CAPN11: variants seen among roughly 807,000 people sequenced by gnomAD.
CAPN11 encodes calpain 11.
CAPN11 carries 108 observed loss-of-function variants against 105.3 expected under a neutral mutation model. The ratio of observed to expected loss-of-function variants is 1.03; its 90% CI spans 0.88 to 1.20. CAPN11 has a LOEUF of 1.20. Ranked by LOEUF, CAPN11 falls within the 50% of genes most tolerant of loss-of-function variation. The pLI, the probability that CAPN11 is intolerant of heterozygous loss-of-function variation, is 0.00. For missense variants in CAPN11, 883 were observed against 924.8 expected (o/e 0.95, Z 0.59); for synonymous variants, 329 against 344.5 (o/e 0.96, Z 0.50).
chr6:44,162,378 C>T (rs1471568414), intron 1 of CAPN11, among the ~76,000 whole-genome samples: 1 of 145,496 alleles, frequency 6.9e-6, no homozygotes, highest in Non-Finnish European at 1.5e-5. Flanking sequence ...GACACACACA[C>T]ACACACACAC....
At position 44,184,106 on chromosome 6, in the gene CAPN11, C is replaced by G. The variant is rs79082881; in HGVS notation, c.*174C>G. The G allele has an allele frequency of 9.3e-6, 6 of 644,420 alleles. No homozygotes were observed. Among genetic ancestry groups the G allele is most frequent in the Non-Finnish European group, 1.6e-5 (6 of 372,474 alleles). 39.9% of individuals were successfully genotyped at this position (644,420 alleles called of 1,614,324 possible). ...GTGTTTACTGCAGCAGTGGGACCTC[C>G]GTGCCCACTCCCCCAGCTCAGAGGC... is the stretch of plus-strand genomic sequence containing the variant. On this transcript the variant is annotated 3_prime_UTR_variant, in exon 23 of 23. Transcript: ENST00000398776.
At chr6:44,180,527 T>G in intron 15 of CAPN11, 28 bp downstream of exon 15, 1 of 1,613,838 alleles carries the variant, frequency 6.2e-7, no homozygotes, top group Non-Finnish European at 8.5e-7. Flanking sequence ...GGCTGGGGGT[T>G]GGAAGGAAGC....
chr6:44,176,478 C>G (rs1291420465), intron 9 of CAPN11, 103 bp from the exon 10 acceptor site: 1 of 1,319,326 alleles, frequency 7.6e-7, no homozygotes, highest in African/African-American at 1.4e-5. Context: ...TCTAGCTCCG[C>G]ACCCCAGCAG....
At chr6:44,172,135 CT>C (rs1216155476) in intron 4 of CAPN11, among the ~76,000 whole-genome samples, 166 bp from the exon 5 acceptor site, 1 of 152,116 alleles carries the variant, frequency 6.6e-6, no homozygotes, top group African/African-American at 2.4e-5. Flanking sequence ...TGTTTACCTC[CT>C]TCCTGAACAC....
intron 4 of CAPN11, among the ~76,000 whole-genome samples, chr6:44,170,421 G>C (rs906859383): frequency 6.6e-6 from 1 of 152,114 alleles, no homozygotes; most frequent in African/African-American, 2.4e-5. Flanking sequence ...CTCCTAGGAG[G>C]GTGCACTTAC....
intron 13 of CAPN11, 91 bp downstream of exon 13, chr6:44,179,721 G>T: frequency 7.3e-7 from 1 of 1,378,744 alleles, no homozygotes; most frequent in South Asian, 1.2e-5. Context: ...GGAATTTGGC[G>T]AGAGGCTCTG....
chr6:44,177,597 C>T (rs1419226677), intron 12 of CAPN11, 177 bp downstream of exon 12: 8 of 608,892 alleles, frequency 1.3e-5, no homozygotes, highest in East Asian at 1.1e-4. Context: ...AAGTGATTCT[C>T]GTGCCTCAGC....
chr6:44,177,124 T>C (rs62401127), intron 11 of CAPN11, 118 bp from the exon 12 acceptor site: 393,943 of 1,466,740 alleles, frequency 0.27, 56,899 homozygotes, highest in East Asian at 0.43. Flanking sequence ...GTTAGTCAGA[T>C]TTCACAGCCC....
intron 2 of CAPN11, among the ~76,000 whole-genome samples, chr6:44,168,628 T>A (rs1016279613): frequency 6.6e-6 from 1 of 151,976 alleles, no homozygotes; most frequent in African/African-American, 2.4e-5. Context: ...TTATTTATTT[T>A]TATTTATTTT....
At chr6:44,162,117 G>A (rs979159243) in intron 1 of CAPN11, among the ~76,000 whole-genome samples, 2 of 151,862 alleles carry the variant, frequency 1.3e-5, no homozygotes, top group Non-Finnish European at 2.9e-5. Flanking sequence ...CCTGGGGGCC[G>A]TAATCACCCC....
At chr6:44,167,003 C>T (rs1215636350) in intron 2 of CAPN11, among the ~76,000 whole-genome samples, 174 bp downstream of exon 2, 1 of 152,054 alleles carries the variant, frequency 6.6e-6, no homozygotes, top group Non-Finnish European at 1.5e-5. Context: ...TGCAGTCCCC[C>T]TGGGGGCGGA....
intron 7 of CAPN11, among the ~76,000 whole-genome samples, chr6:44,174,623 T>C (rs1435204288): frequency 7.0e-6 from 1 of 143,832 alleles, no homozygotes; most frequent in Non-Finnish European, 1.5e-5. Flanking sequence ...ATTCTTTTTT[T>C]TTTTTTTTTT....
At position 44,169,917 on chromosome 6, in the gene CAPN11, C is replaced by T; in HGVS notation, c.351C>T (p.Asn117=). Residue 117 remains asparagine, a synonymous_variant, in exon 4 of 23, where the codon AAC becomes AAT. Transcript: ENST00000398776. ...TTCCTTCACTGCAGGATATCATAAA[C>T]AACCCTCTATTCATCATGGATGGGA... ...ISWQRPKDII[N]NPLFIMDGIS... The T allele has an allele frequency of 1.2e-6, 2 of 1,611,534 alleles. No individual in the cohort carries two copies. The highest frequency in any genetic ancestry group is 2.2e-5 in the East Asian group (1 of 44,836).
At chr6:44,176,777 G>T in intron 10 of CAPN11, 61 bp from the exon 11 acceptor site, 1 of 1,598,964 alleles carries the variant, frequency 6.3e-7, no homozygotes. Flanking sequence ...GGGTGGTTCA[G>T]GGAGAGGGAA....
Position 44,184,003 on chromosome 6 carries a change from T to G in CAPN11, c.*71T>G, listed in dbSNP as rs1582895168. 2 of 1,521,866 alleles carry G rather than the reference T, an allele frequency of 1.3e-6. No homozygotes were observed. The highest frequency in any genetic ancestry group is 1.8e-6 in the Non-Finnish European group (2 of 1,121,644). 94.3% of individuals were successfully genotyped at this position (1,521,866 alleles called of 1,614,324 possible). On this transcript the variant is annotated 3_prime_UTR_variant, in exon 23 of 23. Coordinates refer to ENST00000398776, the MANE Select transcript of CAPN11 (RefSeq NM_007058.4). Reference sequence around the variant, plus strand: ...GAGGTTCTAGCCCAGGAGGGTGGGGTGCTTCTTGTAGCCCTCAGCTCTCCG... The same window carrying G: ...GAGGTTCTAGCCCAGGAGGGTGGGGGGCTTCTTGTAGCCCTCAGCTCTCCG...
chr6:44,164,639 T>C (rs1364034068), intron 1 of CAPN11, among the ~76,000 whole-genome samples: 1 of 152,156 alleles, frequency 6.6e-6, no homozygotes, highest in Non-Finnish European at 1.5e-5. Flanking sequence ...AAGCAGGCAC[T>C]GGGAGGCTGA....
At chr6:44,178,170 G>T (rs894252632) in intron 12 of CAPN11, among the ~76,000 whole-genome samples, 4 of 152,128 alleles carry the variant, frequency 2.6e-5, no homozygotes, top group African/African-American at 9.7e-5. Flanking sequence ...AAGGTCTTAG[G>T]AATACTAACT....
intron 1 of CAPN11, among the ~76,000 whole-genome samples, chr6:44,163,995 G>T (rs147988651): frequency 3.9e-5 from 6 of 152,158 alleles, no homozygotes; most frequent in African/African-American, 1.4e-4. Flanking sequence ...ATGCTACCAT[G>T]CCCAGTTAAT....
In CAPN11 at chr6:44,176,272, T is replaced by G; in HGVS notation, c.935T>G (p.Met312Arg). The G allele has an allele frequency of 6.2e-7, 1 of 1,613,616 alleles. No homozygotes were observed. The highest frequency in any genetic ancestry group is 8.5e-7 in the Non-Finnish European group (1 of 1,179,810). ...ACCCAGGTCCACTACAGAGGCAAAA[T>G]GGAAACACTGATTCGGGTCCGGAAT... The part of the protein sequence containing the change: ...GLQDVHYRGK[M>R]ETLIRVRNPW... Residue 312 changes from methionine to arginine, a missense_variant, in exon 9 of 23, where the codon ATG (methionine) becomes AGG (arginine). Physicochemically the swap from Met to Arg is moderately conservative, Grantham distance 91. Transcript: ENST00000398776.
Sources: allele counts gnomAD v4.1 joint callset (sites outside exome capture counted in the v4.1 genomes callset), GRCh38; gene constraint gnomAD v4.1.1; transcripts MANE v1.5; gene names NCBI Gene and HGNC (gene_info 2026-07-23, HGNC 2026-07-21).